The following LGR6 variants were observed in gnomAD, a reference collection of about 807,000 sequenced individuals.
The protein encoded by LGR6 is leucine-rich repeat-containing G protein-coupled receptor 6.
Under a neutral mutation model 69.4 loss-of-function variants are expected in LGR6, and 45 were observed. That is an observed-to-expected ratio of 0.65 (90% CI 0.51 to 0.83). LGR6 has a LOEUF of 0.83. Ranked by LOEUF, LGR6 falls within the 40% of genes least tolerant of loss-of-function variation. The pLI, the probability that LGR6 is intolerant of heterozygous loss-of-function variation, is 0.00. For synonymous variants in LGR6, 538 were observed against 555.0 expected (o/e 0.97, Z 0.43); for missense variants, 1,108 against 1,246.7 (o/e 0.89, Z 1.68).
rs1158195971 is a variant in LGR6, at chr1:202,235,914, T to C, written c.357-8T>C. ...TGCGTCCTTAAAGCCCTTTCTCTTC[T>C]CCCGTAGGATGCTGCAGAACAATCA... On this transcript the variant is annotated splice_polypyrimidine_tract_variant and splice_region_variant and intron_variant, in intron 3 of 17. Transcript: ENST00000367278. The C allele has an allele frequency of 3.1e-6, 5 of 1,613,792 alleles. No homozygotes were observed. The Admixed American group carries it at 6.7e-5, about 22-fold the overall frequency.
intron 2 of LGR6, 51 bp downstream of exon 2, chr1:202,225,545 T>C: frequency 6.6e-7 from 1 of 1,508,180 alleles, no homozygotes; most frequent in Non-Finnish European, 9.2e-7. Flanking sequence ...CTGTCTAATA[T>C]CTCTGGAACC....
At chr1:202,276,279 A>T in intron 4 of LGR6, 27 bp from the exon 5 acceptor site, 2 of 1,591,682 alleles carry the variant, frequency 1.3e-6, no homozygotes, top group South Asian at 1.1e-5. Context: ...CCCTGGATTG[A>T]CCCCTCTCCA....
chr1:202,221,917 T>C (rs1403727579), intron 1 of LGR6, among the ~76,000 whole-genome samples: 1 of 150,576 alleles, frequency 6.6e-6, no homozygotes, highest in Non-Finnish European at 1.5e-5. Context: ...ACAACCAACC[T>C]CCCAGGACAG....
At position 202,214,762 on chromosome 1, in the gene LGR6, G is replaced by A. The variant is rs368227009; in HGVS notation, c.213-10661G>A. On this transcript the variant is annotated intron_variant, in intron 1 of 17. Transcript: ENST00000367278. ...CAAAGACGTGGAGTGGGGGTCTGGA[G>A]AGGCGGAAAGGTGGCGAAACCTCTT... Among the ~76,000 whole-genome samples, 34 of 152,320 alleles carry A rather than the reference G, an allele frequency of 2.2e-4. No individual in the cohort carries two copies. The East Asian group carries it at 6.4e-3, about 29-fold the overall frequency.
chr1:202,300,895 A>C lies in LGR6; in HGVS notation c.832A>C (p.Met278Leu). ...NIKAIPEKAF[M>L]GNPLLQTIHF... The stretch of plus-strand genomic sequence containing the variant: ...CAAGGCCATCCCAGAAAAGGCCTTC[A>C]TGGGGAACCCTCTGCTACAGACGAT... Residue 278 changes from methionine to leucine, a missense_variant, in exon 8 of 18, where the codon ATG (methionine) becomes CTG (leucine). Transcript: ENST00000367278. 1.9e-6 allele frequency: 3 copies of C among 1,612,816 alleles called. No individual in the cohort carries two copies. Among genetic ancestry groups the C allele is most frequent in the South Asian group, 2.2e-5 (2 of 90,804 alleles).
intron 3 of LGR6, among the ~76,000 whole-genome samples, chr1:202,229,717 G>A (rs1346729422): frequency 6.6e-6 from 1 of 152,214 alleles, no homozygotes; most frequent in Non-Finnish European, 1.5e-5. Flanking sequence ...AGTTGAGTGG[G>A]AGCTGAGGAC....
At chr1:202,296,206 G>T (rs1034586502) in intron 6 of LGR6, among the ~76,000 whole-genome samples, 3 of 152,062 alleles carry the variant, frequency 2.0e-5, no homozygotes, top group Non-Finnish European at 4.4e-5. Flanking sequence ...GTCATCCTGG[G>T]AGGCTAGGGA....
chr1:202,221,713 A>T (rs552329343), intron 1 of LGR6, among the ~76,000 whole-genome samples: 98 of 152,226 alleles, frequency 6.4e-4, no homozygotes, highest in African/African-American at 2.2e-3. Flanking sequence ...AAACAAGTAC[A>T]TCCAAGAGCC....
Position 202,225,435 on chromosome 1 carries a change from G to T in LGR6, c.225G>T (p.Met75Ile). The change falls in exon 2 of 18, where the codon ATG becomes ATT. Residue 75 changes from methionine to isoleucine, a missense_variant. Physicochemically the swap from Met to Ile is conservative, Grantham distance 10 (BLOSUM62 1). Coordinates refer to ENST00000367278, the MANE Select transcript of LGR6 (RefSeq NM_001017403.2). The part of the protein sequence containing the change: ...DPLTAYLDLS[M>I]NNLTELQPGL... ...TTCTCTCCACCAGGGACCTCAGCATGAACAACCTCACAGAGCTTCAGCCTG... is the reference window on the plus strand; with the variant it reads ...TTCTCTCCACCAGGGACCTCAGCATTAACAACCTCACAGAGCTTCAGCCTG... The T allele has an allele frequency of 6.2e-7, 1 of 1,613,906 alleles. No individual in the cohort carries two copies. Among genetic ancestry groups the T allele is most frequent in the South Asian group, 1.1e-5 (1 of 91,052 alleles).
chr1:202,202,154 C>G (rs1468226949), intron 1 of LGR6, among the ~76,000 whole-genome samples: 1 of 152,144 alleles, frequency 6.6e-6, no homozygotes, highest in African/African-American at 2.4e-5. Context: ...GAAGGGGAAG[C>G]CATGAGCCCA....
In LGR6 at chr1:202,319,133, A is replaced by T; in HGVS notation, c.2830A>T (p.Thr944Ser). ...ACTGCTGCTGAGGGCAGAGGGATCT[A>T]CGCCAGCAGGTGGAGGCTTGTCAGG... ...GELLLRAEGS[T>S]PAGGGLSGGG... is the part of the protein sequence containing the mutation. Residue 944 changes from threonine (T) to serine (S), a missense_variant, in exon 18 of 18, where the codon ACG (threonine) becomes TCG (serine). Coordinates refer to ENST00000367278, the MANE Select transcript of LGR6 (RefSeq NM_001017403.2). 6.2e-7 allele frequency: 1 copy of T among 1,614,166 alleles called. No homozygotes were observed. Among genetic ancestry groups the T allele is most frequent in the Non-Finnish European group, 8.5e-7 (1 of 1,179,994 alleles).
chr1:202,196,811 T>G (rs540689755), intron 1 of LGR6, among the ~76,000 whole-genome samples: 33 of 152,228 alleles, frequency 2.2e-4, no homozygotes, highest in Middle Eastern at 3.4e-3. Context: ...AGTGTAGAAT[T>G]CAAGGGAATG....
At chr1:202,235,844 T>G (rs901527009) in intron 3 of LGR6, 78 bp from the exon 4 acceptor site, 2 of 1,267,972 alleles carry the variant, frequency 1.6e-6, no homozygotes, top group Middle Eastern at 1.9e-4. Context: ...GGACTGGGGG[T>G]TCAAGGGAGG....
Position 202,318,331 on chromosome 1 carries a change from C to T in LGR6, c.2028C>T (p.Ala676=), listed in dbSNP as rs1198867735. The change falls in exon 18 of 18, where the codon GCC becomes GCT. Residue 676 remains alanine, a synonymous_variant. Coordinates refer to ENST00000367278, the MANE Select transcript of LGR6 (RefSeq NM_001017403.2). ...GCGTCTCCGTCTCCTGTGTCCGGGCCTATGGGAAGTCCCCCTCCCTGGGCA... is the reference window on the plus strand; with the variant it reads ...GCGTCTCCGTCTCCTGTGTCCGGGCTTATGGGAAGTCCCCCTCCCTGGGCA... ...QCSVSVSCVR[A]YGKSPSLGSV... The T allele has an allele frequency of 1.3e-5, 20 of 1,595,840 alleles. No homozygotes were observed. The highest frequency in any genetic ancestry group is 1.7e-5 in the Non-Finnish European group (20 of 1,170,826).
At chr1:202,310,441 G>A (rs917610296) in intron 16 of LGR6, 84 bp downstream of exon 16, 2 of 1,349,426 alleles carry the variant, frequency 1.5e-6, no homozygotes, top group Non-Finnish European at 2.0e-6. Context: ...ACCTGAGAGG[G>A]AATCTGACAG....
chr1:202,294,819 C>G (rs1667032077), intron 6 of LGR6, among the ~76,000 whole-genome samples: 1 of 152,110 alleles, frequency 6.6e-6, no homozygotes, highest in Non-Finnish European at 1.5e-5. Context: ...ATCTACCACA[C>G]TGGATAAGGG....
In LGR6 at chr1:202,261,964, A is replaced by G. The variant is rs544193552; in HGVS notation, c.429-14342A>G. Among the ~76,000 whole-genome samples, 440 of 152,172 alleles carry G rather than the reference A, an allele frequency of 2.9e-3. 4 individuals are homozygous for G. The highest frequency in any genetic ancestry group is 0.01 in the African/African-American group (425 of 41,498). Reference sequence around the variant, plus strand: ...TTTTCTTGTAAATTTGTTTGAGTTCATTGTAAATTCTGGATATTAGCCCTT... The same window carrying G: ...TTTTCTTGTAAATTTGTTTGAGTTCGTTGTAAATTCTGGATATTAGCCCTT... On this transcript the variant is annotated intron_variant, in intron 4 of 17. Transcript: ENST00000367278.
At chr1:202,201,495 A>G (rs1204246373) in intron 1 of LGR6, among the ~76,000 whole-genome samples, 3 of 152,176 alleles carry the variant, frequency 2.0e-5, no homozygotes, top group Non-Finnish European at 4.4e-5. Flanking sequence ...GAGGAAACCA[A>G]GGCTTTTCAG....
chr1:202,301,948 G>A (rs1667628704), intron 9 of LGR6, among the ~76,000 whole-genome samples: 1 of 152,150 alleles, frequency 6.6e-6, no homozygotes, highest in African/African-American at 2.4e-5. Flanking sequence ...GAACCCGGGA[G>A]GCGGAGGTTA....
Sources: gnomAD v4.1 joint callset for allele counts (sites outside exome capture counted in the v4.1 genomes callset) on GRCh38, gnomAD v4.1.1 for gene constraint, MANE v1.5 for transcripts, NCBI Gene and HGNC (gene_info 2026-07-23, HGNC 2026-07-21) for gene names.